Variants in NAV2 observed in about 807,000 individuals in gnomAD.
NAV2 encodes helicase, APC down-regulated 1.
In NAV2, 54 loss-of-function variants were observed where a neutral mutation model predicts 223.2. That is an observed-to-expected ratio of 0.24 (90% CI 0.19 to 0.30). The LOEUF is 0.30. NAV2 is among the 10% of genes least tolerant of loss of function. NAV2 has a pLI of 1.00. For synonymous variants in NAV2, 1,279 were observed against 1,239.3 expected, an observed-to-expected ratio of 1.03 and a Z score of -0.67; for missense variants, 2,806 against 3,147.5, an observed-to-expected ratio of 0.89 and a Z score of 2.60.
chr11:19,644,519 G>T (rs935434506), intron 1 of NAV2, among the ~76,000 whole-genome samples: 1 of 152,200 alleles, frequency 6.6e-6, no homozygotes, highest in Non-Finnish European at 1.5e-5. Flanking sequence ...GGCGGACTGT[G>T]GTCTAATATT....
intron 3 of NAV2, among the ~76,000 whole-genome samples, chr11:19,859,483 A>G (rs949409107): frequency 1.3e-5 from 2 of 148,974 alleles, no homozygotes; most frequent in African/African-American, 2.5e-5. Flanking sequence ...ACAGGATCCC[A>G]AGGCAGAAGA....
At chr11:19,935,858 T>TGTTTTG (rs1591317304) in intron 7 of NAV2, among the ~76,000 whole-genome samples, 2 of 102,314 alleles carry the variant, frequency 2.0e-5, no homozygotes, top group East Asian at 6.0e-4. Flanking sequence ...TCTGTTTTTT[T>TGTTTTG]TTTTTTTTTT....
At chr11:19,412,249 T>C (rs1409175408) in intron 1 of NAV2, among the ~76,000 whole-genome samples, 1 of 152,168 alleles carries the variant, frequency 6.6e-6, no homozygotes, top group East Asian at 1.9e-4. Context: ...GAGGGGCATC[T>C]GCCATTACTG....
At chr11:19,808,047 C>T (rs546311293) in intron 1 of NAV2, among the ~76,000 whole-genome samples, 3 of 152,216 alleles carry the variant, frequency 2.0e-5, no homozygotes, top group South Asian at 2.1e-4. Context: ...CCTGGCTATG[C>T]GTCCTTAAGC....
chr11:19,890,486 C>A (rs907396121), intron 5 of NAV2, among the ~76,000 whole-genome samples: 2 of 152,308 alleles, frequency 1.3e-5, no homozygotes, highest in Middle Eastern at 3.4e-3. Flanking sequence ...TTTGCAAATT[C>A]CACACTGTGG....
chr11:19,755,998 C>G (rs2054201032), intron 1 of NAV2, among the ~76,000 whole-genome samples: 2 of 152,304 alleles, frequency 1.3e-5, no homozygotes, highest in South Asian at 4.2e-4. Flanking sequence ...ATCACAACTG[C>G]TTTCAAAAAG....
rs575592350 is a variant in NAV2 at position 19,819,672 on chromosome 11, A to G, written c.268-12812A>G. ...GGACATGGAGATGACGGAAATAATGAAAGGAAACTAACAGTAAAGGCACCA... is the reference window on the plus strand; with the variant it reads ...GGACATGGAGATGACGGAAATAATGGAAGGAAACTAACAGTAAAGGCACCA... On this transcript the variant is annotated intron_variant, in intron 1 of 37. Coordinates refer to ENST00000349880, the MANE Select transcript of NAV2 (RefSeq NM_145117.5). Among the ~76,000 whole-genome samples the G allele has an allele frequency of 2.0e-5, 3 of 152,348 alleles. No individual in the cohort carries two copies. The East Asian group carries it at 5.8e-4, about 29-fold the overall frequency.
At chr11:19,524,548 G>GT (rs1034882840) in intron 1 of NAV2, among the ~76,000 whole-genome samples, 1 of 152,178 alleles carries the variant, frequency 6.6e-6, no homozygotes, top group East Asian at 1.9e-4. Context: ...CATGGTTGAT[G>GT]TTTTCATTGA....
intron 1 of NAV2, among the ~76,000 whole-genome samples, chr11:19,641,441 C>G (rs530041416): frequency 1.3e-5 from 2 of 152,002 alleles, no homozygotes; most frequent in Non-Finnish European, 2.9e-5. Flanking sequence ...GTCTTGCTGC[C>G]TCTATTCTTG....
chr11:20,117,508 C>T (rs1231538429), intron 37 of NAV2, among the ~76,000 whole-genome samples: 3 of 152,144 alleles, frequency 2.0e-5, no homozygotes, highest in Non-Finnish European at 4.4e-5. Context: ...GAATCATAAG[C>T]GAAGGCTCTT....
intron 1 of NAV2, among the ~76,000 whole-genome samples, chr11:19,452,107 AGTGTGTGTGTGTGTGTGT>A (rs60628637): frequency 1.4e-3 from 207 of 146,764 alleles, no homozygotes; most frequent in African/African-American, 3.8e-3. Context: ...AGGTTACAAA[AGTGTGTGTGTGTGTGTGT>A]GTGTGTGTGT....
At chr11:19,781,028 C>T (rs2056697254) in intron 1 of NAV2, among the ~76,000 whole-genome samples, 1 of 152,168 alleles carries the variant, frequency 6.6e-6, no homozygotes, top group African/African-American at 2.4e-5. Flanking sequence ...TGTGTTGAAC[C>T]TTTACTTTGA....
chr11:19,874,959 C>A (rs560156347), intron 4 of NAV2, among the ~76,000 whole-genome samples: 1 of 152,296 alleles, frequency 6.6e-6, no homozygotes, highest in South Asian at 2.1e-4. Flanking sequence ...GAGTTCAAGA[C>A]CAGCCTGGCC....
At chr11:19,830,404 G>A (rs971258988) in intron 1 of NAV2, among the ~76,000 whole-genome samples, 3 of 152,134 alleles carry the variant, frequency 2.0e-5, no homozygotes, top group African/African-American at 7.2e-5. Context: ...GGTTAGTCTG[G>A]GCTCAAATCC....
intron 1 of NAV2, among the ~76,000 whole-genome samples, chr11:19,814,471 C>A (rs1054542460): frequency 1.3e-5 from 2 of 152,136 alleles, no homozygotes; most frequent in Non-Finnish European, 2.9e-5. Flanking sequence ...GCCGAGAATC[C>A]ATTTGGGAGC....
At chr11:19,362,930 C>T (rs2729901) in intron 1 of NAV2, among the ~76,000 whole-genome samples, 145,625 of 152,318 alleles carry the variant, frequency 0.96, 69,939 homozygotes, top group East Asian at 1. Context: ...TGTTTGAACA[C>T]GTTTTGTATA....
chr11:19,674,546 C>A (rs1014741617), intron 1 of NAV2, among the ~76,000 whole-genome samples: 6 of 152,206 alleles, frequency 3.9e-5, no homozygotes, highest in Non-Finnish European at 8.8e-5. Flanking sequence ...AGTGTTGTCA[C>A]GGGCCAGGCT....
At chr11:19,497,042 T>C (rs948788218) in intron 1 of NAV2, among the ~76,000 whole-genome samples, 8 of 152,180 alleles carry the variant, frequency 5.3e-5, no homozygotes, top group Non-Finnish European at 7.3e-5. Context: ...ATAGCCGCCA[T>C]TGCATTTGCT....
At chr11:19,541,494 A>T (rs2044341245) in intron 1 of NAV2, among the ~76,000 whole-genome samples, 1 of 152,224 alleles carries the variant, frequency 6.6e-6, no homozygotes, top group African/African-American at 2.4e-5. Context: ...TGGTTGGCAA[A>T]TGACAACCCA....
Sources: gnomAD v4.1 joint callset for allele counts (sites outside exome capture counted in the v4.1 genomes callset) on GRCh38, gnomAD v4.1.1 for gene constraint, MANE v1.5 for transcripts, NCBI Gene and HGNC (gene_info 2026-07-23, HGNC 2026-07-21) for gene names.